The following CD163L1 variants were observed in gnomAD, a reference collection of about 807,000 sequenced individuals.
CD163L1 encodes scavenger receptor cysteine-rich type 1 protein M160.
A neutral mutation model predicts 165.4 loss-of-function variants in CD163L1; 124 were observed. That is an observed-to-expected ratio of 0.75 (90% CI 0.65 to 0.87). The LOEUF is 0.87. CD163L1 is among the 40% of genes least tolerant of loss of function. The pLI, the probability that CD163L1 is intolerant of heterozygous loss-of-function variation, is 0.00. For synonymous variants in CD163L1, 585 were observed against 662.2 expected, an observed-to-expected ratio of 0.88 and a Z score of 1.79; for missense variants, 1,525 against 1,799.9, an observed-to-expected ratio of 0.85 and a Z score of 2.76.
chr12:7,368,677 T>C lies in CD163L1; in HGVS notation c.4072+256A>G, dbSNP rs1304575830. On this transcript the variant is annotated intron_variant, in intron 16 of 19. Coordinates refer to ENST00000313599, the MANE Select transcript of CD163L1 (RefSeq NM_174941.6). The surrounding 1 kb of genome is among the most constrained non-coding windows in gnomAD (Gnocchi z 4.3). ...TTTCTGCCAGTCTCATAAAGAATAT[T>C]TGAGAATCTAGAAAGATTATCTATG... is the stretch of plus-strand genomic sequence containing the variant. Among the ~76,000 whole-genome samples, 3 of 152,098 alleles carry C rather than the reference T, an allele frequency of 2.0e-5. No homozygotes were observed. Among genetic ancestry groups the C allele is most frequent in the African/African-American group, 4.8e-5 (2 of 41,400 alleles).
chr12:7,416,320 C>A (rs1948239112), intron 4 of CD163L1, among the ~76,000 whole-genome samples: 1 of 152,110 alleles, frequency 6.6e-6, no homozygotes, highest in South Asian at 2.1e-4. Flanking sequence ...GATATTAGCC[C>A]TTTGTCAGAA....
At chr12:7,362,258 A>T (rs1044318239) in intron 18 of CD163L1, among the ~76,000 whole-genome samples, 1 of 142,364 alleles carries the variant, frequency 7.0e-6, no homozygotes, top group Non-Finnish European at 1.5e-5. Flanking sequence ...TAGATTATGT[A>T]TTTAATATAT....
intron 18 of CD163L1, 181 bp from the exon 19 acceptor site, chr12:7,357,667 G>A (rs188798015): frequency 1.6e-5 from 7 of 439,534 alleles, no homozygotes; most frequent in African/African-American, 1.2e-4. Flanking sequence ...TATTTAAAAG[G>A]ATAAACCATT....
At chr12:7,438,897 C>G in intron 2 of CD163L1, 2 of 1,598,714 alleles carry the variant, frequency 1.3e-6, no homozygotes, top group Admixed American at 3.3e-5. Context: ...TTGCCTCTGT[C>G]TTGATTCCTC....
downstream of CD163L1, among the ~76,000 whole-genome samples, chr12:7,345,943 C>T (rs577886233): frequency 1.7e-3 from 261 of 152,064 alleles, no homozygotes; most frequent in Non-Finnish European, 3.1e-3. Context: ...TGGGAGAACT[C>T]GTTCACTATT....
Position 7,362,526 on chromosome 12 carries a change from A to G in CD163L1, c.4279+4710T>C, listed in dbSNP as rs1275267989. 2.8e-5 allele frequency among the ~76,000 whole-genome samples: 4 copies of G among 142,606 alleles called. No homozygotes were observed. The East Asian group carries it at 7.9e-4, about 28-fold the overall frequency. 93.6% of individuals were successfully genotyped at this position (142,606 alleles called of 152,430 possible). A position where few individuals can be genotyped will look rare whatever the true frequency, so the allele number is the denominator to read the frequency against. Reference sequence around the variant, plus strand: ...ATATTAAATTAATAGTTATTACATAACTATGTATAAATATATAATATATTA... The same window carrying G: ...ATATTAAATTAATAGTTATTACATAGCTATGTATAAATATATAATATATTA... On this transcript the variant is annotated intron_variant, in intron 18 of 19. Transcript: ENST00000313599.
intron 4 of CD163L1, among the ~76,000 whole-genome samples, chr12:7,415,762 GT>G (rs1261322588): frequency 6.6e-6 from 1 of 151,908 alleles, no homozygotes; most frequent in Non-Finnish European, 1.5e-5. Flanking sequence ...AAACTCACCC[GT>G]TTTTTGGCTA....
chr12:7,327,263 C>A, the CD163L1 span, among the ~76,000 whole-genome samples: 1 of 152,120 alleles, frequency 6.6e-6, no homozygotes, highest in African/African-American at 2.4e-5. Flanking sequence ...TATATTAGAA[C>A]GGTATAAGTG....
the CD163L1 span, among the ~76,000 whole-genome samples, chr12:7,332,225 T>G: frequency 6.6e-5 from 10 of 151,408 alleles, no homozygotes; most frequent in African/African-American, 2.4e-4. Context: ...AGAAGAGAAG[T>G]TTAGAGAAAA....
intron 2 of CD163L1, among the ~76,000 whole-genome samples, chr12:7,437,897 A>AT (rs1948760840): frequency 2.0e-5 from 3 of 151,028 alleles, no homozygotes; most frequent in South Asian, 4.2e-4. Flanking sequence ...TTTTATTATT[A>AT]TAAAAAAAAA....
At chr12:7,336,421 C>T in the CD163L1 span, among the ~76,000 whole-genome samples, 4 of 152,174 alleles carry the variant, frequency 2.6e-5, no homozygotes, top group South Asian at 6.2e-4. Flanking sequence ...AAAAACCAAA[C>T]ACCACATGTT....
At chr12:7,433,823 TAAA>T (rs1948674163) in intron 2 of CD163L1, 129 bp from the exon 3 acceptor site, 3 of 664,552 alleles carry the variant, frequency 4.5e-6, no homozygotes, top group Admixed American at 3.5e-5. Context: ...AGAGAGAAAA[TAAA>T]AATGAGAAAA....
At chr12:7,365,157 A>G (rs968647582) in intron 18 of CD163L1, among the ~76,000 whole-genome samples, 24 of 152,132 alleles carry the variant, frequency 1.6e-4, no homozygotes, top group African/African-American at 5.8e-4. Context: ...CACCAAGGAC[A>G]TACATTGGGA....
intron 1 of CD163L1, among the ~76,000 whole-genome samples, chr12:7,442,762 A>G (rs1948846871): frequency 1.3e-5 from 2 of 152,174 alleles, no homozygotes; most frequent in South Asian, 4.1e-4. Flanking sequence ...AGGCCATTTC[A>G]TCTTCCTAAA....
At chr12:7,322,522 G>T in the CD163L1 span, 1 of 1,613,776 alleles carries the variant, frequency 6.2e-7, no homozygotes, top group East Asian at 2.2e-5. Flanking sequence ...CTATATGAGG[G>T]CTATGGACAG....
intron 19 of CD163L1, among the ~76,000 whole-genome samples, chr12:7,356,394 A>G (rs1205849443): frequency 6.6e-6 from 1 of 152,056 alleles, no homozygotes; most frequent in Non-Finnish European, 1.5e-5. Context: ...TTATGGTAAT[A>G]ATATATTTTT....
chr12:7,318,951 T>C, the CD163L1 span, among the ~76,000 whole-genome samples: 1 of 152,210 alleles, frequency 6.6e-6, no homozygotes, highest in South Asian at 2.1e-4. Context: ...AAGACAATTT[T>C]CCCATGGACT....
chr12:7,367,541 G>T, intron 17 of CD163L1: 1 of 406,272 alleles, frequency 2.5e-6, no homozygotes, highest in Non-Finnish European at 4.5e-6. Flanking sequence ...TTATTACCAA[G>T]TTCTTTACAT....
rs751010211 is a variant in CD163L1 at position 7,398,297 on chromosome 12, C to T, written c.1696G>A (p.Val566Ile). Residue 566 changes from valine to isoleucine, a missense_variant, in exon 7 of 20, where the codon GTA becomes ATA. Transcript: ENST00000313599. This position sits in a 1 kb window ranked among gnomAD's most constrained non-coding sequence, Gnocchi z 4.5. ...EHSGWGKHNC[V>I]HREDVIVTCS... ...GTTACAATCACATCCTCTCTGTGTACACAATTATGCTTTCCCCATCCACTG... is the reference window on the plus strand; with the variant it reads ...GTTACAATCACATCCTCTCTGTGTATACAATTATGCTTTCCCCATCCACTG... 19 of 1,613,838 alleles carry T rather than the reference C, an allele frequency of 1.2e-5. No homozygotes were observed. The African/African-American group carries it at 1.5e-4, about 12-fold the overall frequency.
Sources: allele counts gnomAD v4.1 joint callset (sites outside exome capture counted in the v4.1 genomes callset), GRCh38; gene constraint gnomAD v4.1.1; non-coding constraint Gnocchi (gnomAD v3.1); transcripts MANE v1.5; gene names NCBI Gene and HGNC (gene_info 2026-07-23, HGNC 2026-07-21).